Variants in IMMP2L observed in about 807,000 individuals in gnomAD.
IMMP2L encodes inner mitochondrial membrane peptidase subunit 2, also known as mitochondrial inner membrane protease subunit 2.
Under a neutral mutation model 19.3 loss-of-function variants are expected in IMMP2L, and 18 were observed. The observed-to-expected ratio is 0.93, with a 90% CI of 0.64 to 1.38. The LOEUF (loss-of-function observed/expected upper bound fraction) is 1.38, where lower values mean the gene tolerates loss of function less well. Among genes scored for constraint, IMMP2L ranks in the 40% most tolerant of loss-of-function variants. IMMP2L has a pLI of 0.00. For synonymous variants in IMMP2L, 76 were observed against 73.0 expected (o/e 1.04, Z -0.21); for missense variants, 233 against 218.2 (o/e 1.07, Z -0.43).
intron 4 of IMMP2L, among the ~76,000 whole-genome samples, chr7:110,925,588 C>T (rs1005826338): frequency 2.0e-5 from 3 of 152,024 alleles, no homozygotes; most frequent in African/African-American, 7.2e-5. Flanking sequence ...GGAAAAAACA[C>T]ATCAATAATC....
chr7:111,141,646 A>C (rs970902338), intron 3 of IMMP2L, among the ~76,000 whole-genome samples: 3 of 152,064 alleles, frequency 2.0e-5, no homozygotes, highest in Admixed American at 6.6e-5. Flanking sequence ...TTTATTCCTC[A>C]TTGGCATTTT....
intron 3 of IMMP2L, among the ~76,000 whole-genome samples, chr7:111,321,920 A>T (rs258920): frequency 0.24 from 35,732 of 151,902 alleles, 5,991 homozygotes; most frequent in African/African-American, 0.47. Flanking sequence ...GTTATGGACA[A>T]TGAAACACCT....
chr7:110,852,921 T>C (rs1806385016), intron 5 of IMMP2L, among the ~76,000 whole-genome samples: 1 of 152,024 alleles, frequency 6.6e-6, no homozygotes, highest in Non-Finnish European at 1.5e-5. Context: ...TCCCAGATGA[T>C]ACAAAAGTGG....
chr7:110,713,663 T>G (rs1795046553), intron 5 of IMMP2L, among the ~76,000 whole-genome samples: 1 of 151,780 alleles, frequency 6.6e-6, no homozygotes, highest in Non-Finnish European at 1.5e-5. Flanking sequence ...TTTTTTTTTT[T>G]TTTTAGTTTT....
chr7:111,017,917 T>C (rs1206351047), intron 3 of IMMP2L, among the ~76,000 whole-genome samples: 1 of 152,232 alleles, frequency 6.6e-6, no homozygotes, highest in Non-Finnish European at 1.5e-5. Context: ...ATTATATACA[T>C]AGGCTTACTT....
chr7:110,819,870 C>CGT (rs112436476), intron 5 of IMMP2L, among the ~76,000 whole-genome samples: 13,744 of 152,044 alleles, frequency 0.09, 964 homozygotes, highest in African/African-American at 0.2. Flanking sequence ...ACAATACAAA[C>CGT]GTGTTTTATA....
chr7:111,342,282 C>T (rs921870439), intron 3 of IMMP2L, among the ~76,000 whole-genome samples: 33 of 151,846 alleles, frequency 2.2e-4, no homozygotes, highest in African/African-American at 6.7e-4. Flanking sequence ...ATCTTTTTTG[C>T]ATATATACAA....
intron 4 of IMMP2L, among the ~76,000 whole-genome samples, chr7:110,895,550 T>C (rs1811237404): frequency 6.6e-6 from 1 of 152,134 alleles, no homozygotes; most frequent in African/African-American, 2.4e-5. Context: ...CCCCTGTCCA[T>C]GTCTGTGCAA....
At chr7:111,324,942 C>T (rs913952355) in intron 3 of IMMP2L, among the ~76,000 whole-genome samples, 6 of 151,718 alleles carry the variant, frequency 4.0e-5, no homozygotes, top group Middle Eastern at 3.4e-3. Flanking sequence ...ATAAGTCTGC[C>T]ACATCCATAA....
intron 4 of IMMP2L, among the ~76,000 whole-genome samples, chr7:110,902,275 TATTA>T (rs1484486841): frequency 1.3e-5 from 2 of 151,748 alleles, no homozygotes; most frequent in Admixed American, 6.6e-5. Flanking sequence ...AACAGCCTAC[TATTA>T]ATTATAGAAA....
intron 5 of IMMP2L, among the ~76,000 whole-genome samples, chr7:110,842,508 C>T (rs1243302745): frequency 6.6e-6 from 1 of 152,182 alleles, no homozygotes; most frequent in Non-Finnish European, 1.5e-5. Flanking sequence ...AAAGGGCAAA[C>T]CAAATGCCAT....
intron 1 of IMMP2L, among the ~76,000 whole-genome samples, chr7:111,532,888 C>T (rs1847532918): frequency 6.6e-6 from 1 of 151,912 alleles, no homozygotes; most frequent in African/African-American, 2.4e-5. Flanking sequence ...AGAGTCAGTA[C>T]TGAAGATGCA....
intron 5 of IMMP2L, among the ~76,000 whole-genome samples, chr7:110,851,938 T>C (rs1207404399): frequency 6.6e-6 from 1 of 152,026 alleles, no homozygotes; most frequent in Non-Finnish European, 1.5e-5. Context: ...TCTACATCCC[T>C]ACCCTTGAAC....
chr7:110,937,040 C>T (rs1816194789), intron 4 of IMMP2L, among the ~76,000 whole-genome samples: 2 of 152,022 alleles, frequency 1.3e-5, no homozygotes, highest in African/African-American at 4.8e-5. Context: ...ACATCACACA[C>T]CAGGGCCGGT....
At chr7:111,111,600 T>G (rs970077271) in intron 3 of IMMP2L, among the ~76,000 whole-genome samples, 1 of 152,014 alleles carries the variant, frequency 6.6e-6, no homozygotes, top group Non-Finnish European at 1.5e-5. Context: ...TATAAACACA[T>G]TAAAGTAGAA....
chr7:110,999,357 A>G (rs1585669981), intron 3 of IMMP2L, among the ~76,000 whole-genome samples: 2 of 107,214 alleles, frequency 1.9e-5, no homozygotes, highest in African/African-American at 7.0e-5. Context: ...TCTGGATTGT[A>G]CCTCTTTTAT....
chr7:111,226,585 CTT>C (rs1300836373), intron 3 of IMMP2L, among the ~76,000 whole-genome samples: 2 of 152,078 alleles, frequency 1.3e-5, no homozygotes, highest in African/African-American at 4.8e-5. Flanking sequence ...TCATTGCGCT[CTT>C]TGATTTTCTG....
At chr7:110,904,625 C>T (rs1812268203) in intron 4 of IMMP2L, among the ~76,000 whole-genome samples, 1 of 152,130 alleles carries the variant, frequency 6.6e-6, no homozygotes, top group African/African-American at 2.4e-5. Context: ...GTTTTTATTC[C>T]ACTACCTTAA....
intron 5 of IMMP2L, among the ~76,000 whole-genome samples, chr7:110,742,825 A>C (rs578197133): frequency 6.6e-6 from 1 of 152,102 alleles, no homozygotes; most frequent in Non-Finnish European, 1.5e-5. Flanking sequence ...ACATCATAAA[A>C]TGCCCAACAT....
Sources: gnomAD v4.1 joint callset for allele counts (sites outside exome capture counted in the v4.1 genomes callset) on GRCh38, gnomAD v4.1.1 for gene constraint, MANE v1.5 for transcripts, NCBI Gene and HGNC (gene_info 2026-07-23, HGNC 2026-07-21) for gene names.